The following PSTPIP1 variants were observed in gnomAD, a reference collection of about 807,000 sequenced individuals.
PSTPIP1 encodes the protein proline-serine-threonine phosphatase-interacting protein 1.
A neutral mutation model predicts 69.6 loss-of-function variants in PSTPIP1; 66 were observed. The observed-to-expected ratio is 0.95, with a 90% CI of 0.78 to 1.16. PSTPIP1 has a LOEUF of 1.16. Ranked by LOEUF, PSTPIP1 falls within the 50% of genes most tolerant of loss-of-function variation. PSTPIP1 has a pLI of 0.00. For synonymous variants in PSTPIP1, 266 were observed against 222.7 expected (o/e 1.19, Z -1.73); for missense variants, 603 against 557.4 (o/e 1.08, Z -0.82).
chr15:77,034,644 C>T (rs2076510475), intron 12 of PSTPIP1, among the ~76,000 whole-genome samples: 1 of 152,166 alleles, frequency 6.6e-6, no homozygotes, highest in Non-Finnish European at 1.5e-5. Context: ...CACCTGAGCC[C>T]TCCCTCTCCT....
chr15:77,032,862 C>T lies in PSTPIP1; in HGVS notation c.839C>T (p.Ala280Val), dbSNP rs139351566. 1.5e-5 allele frequency: 23 copies of T among 1,575,056 alleles called. No homozygotes were observed. In the African/African-American group the frequency reaches 2.8e-4, roughly 19 times the overall value. ...QAKSTGTEPP[A>V]PVPYQNYYDR... is the part of the protein sequence containing the mutation. ...GGGGCTCACGGCTTGCTGTCTGCAG[C>T]TCCGGTGCCCTACCAGAACTATTAC... Residue 280 changes from alanine to valine, a missense_variant and splice_region_variant, in exon 12 of 15, where the codon GCT becomes GTT. Coordinates refer to ENST00000558012, the MANE Select transcript of PSTPIP1 (RefSeq NM_003978.5).
At chr15:77,036,991 A>G in intron 14 of PSTPIP1, 54 bp from the exon 15 acceptor site, 2 of 1,575,096 alleles carry the variant, frequency 1.3e-6, no homozygotes, top group Non-Finnish European at 1.7e-6. Flanking sequence ...CCCTCCCTGC[A>G]GGCCCTTCCC....
At chr15:77,028,497 CG>C in intron 6 of PSTPIP1, 56 bp from the exon 7 acceptor site, 1 of 1,429,962 alleles carries the variant, frequency 7.0e-7, no homozygotes, top group South Asian at 1.3e-5. Flanking sequence ...GCCTCACTCC[CG>C]GGGACCACAG....
chr15:77,030,974 C>T (rs531107972), intron 9 of PSTPIP1, among the ~76,000 whole-genome samples: 3 of 152,212 alleles, frequency 2.0e-5, no homozygotes, highest in African/African-American at 7.2e-5. Context: ...GGGGCAGGGA[C>T]CCCCTGGGCA....
intron 1 of PSTPIP1, among the ~76,000 whole-genome samples, chr15:77,015,502 A>G (rs1381336524): frequency 1.3e-5 from 2 of 152,134 alleles, no homozygotes; most frequent in African/African-American, 4.8e-5. Flanking sequence ...CAGCATTCGG[A>G]TGACAGAGGT....
chr15:77,035,872 G>C lies in PSTPIP1; in HGVS notation c.1056G>C (p.Glu352Asp). ...EGVYTAIAVQ[E>D]IQGNPASPAQ... is the part of the protein sequence containing the mutation. ...TCTACACAGCCATCGCAGTGCAGGAGATACAGGGAAACCCGGCCTCACCAG... is the reference window on the plus strand; with the variant it reads ...TCTACACAGCCATCGCAGTGCAGGACATACAGGGAAACCCGGCCTCACCAG... The change falls in exon 14 of 15, where the codon GAG becomes GAC. Residue 352 changes from glutamate (E) to aspartate (D), a missense_variant. Physicochemically the swap from Glu to Asp is conservative, Grantham distance 45. Transcript: ENST00000558012. 1 of 1,610,790 alleles carries C rather than the reference G, an allele frequency of 6.2e-7. No homozygotes were observed. Among genetic ancestry groups the C allele is most frequent in the Non-Finnish European group, 8.5e-7 (1 of 1,179,642 alleles).
Position 77,025,495 on chromosome 15 carries a change from C to G in PSTPIP1, c.248-3C>G, listed in dbSNP as rs1456259357. 6.4e-7 allele frequency: 1 copy of G among 1,562,896 alleles called. No individual in the cohort carries two copies. Among genetic ancestry groups the G allele is most frequent in the South Asian group, 1.2e-5 (1 of 85,570 alleles). On this transcript the variant is annotated splice_region_variant and splice_polypyrimidine_tract_variant and intron_variant, in intron 4 of 14. Transcript: ENST00000558012. ...GGGACCAGTATCCATGCTCTGCCCC[C>G]AGAAATGGAGAATGTGGGCAGCTCA...
chr15:76,995,661 C>T lies in PSTPIP1; in HGVS notation c.36+52C>T, dbSNP rs371380285. 23 of 1,611,816 alleles carry T rather than the reference C, an allele frequency of 1.4e-5. No homozygotes were observed. The African/African-American group carries it at 2.8e-4, about 20-fold the overall frequency. On this transcript the variant is annotated intron_variant, in intron 1 of 14. Transcript: ENST00000558012. The stretch of plus-strand genomic sequence containing the variant: ...AACAAGTGGAGGGGGCAGAGCTAGG[C>T]TGAAATCTCCATGCAGGTGATGGGA...
At chr15:77,003,861 T>C (rs2152666844) in intron 1 of PSTPIP1, among the ~76,000 whole-genome samples, 1 of 152,228 alleles carries the variant, frequency 6.6e-6, no homozygotes, top group East Asian at 1.9e-4. Context: ...CACCTCCTGC[T>C]CACCACAGTG....
chr15:77,008,731 CTG>C (rs1262115243), intron 1 of PSTPIP1, among the ~76,000 whole-genome samples: 1 of 152,196 alleles, frequency 6.6e-6, no homozygotes, highest in African/African-American at 2.4e-5. Flanking sequence ...AGTCCTACCT[CTG>C]TGTAGGCTGA....
intron 1 of PSTPIP1, among the ~76,000 whole-genome samples, chr15:77,012,573 C>G (rs2075968019): frequency 6.6e-6 from 1 of 152,304 alleles, no homozygotes; most frequent in South Asian, 2.1e-4. Context: ...GTGTTTGGTC[C>G]TTTGCCTGCC....
At position 77,013,918 on chromosome 15, in the gene PSTPIP1, G is replaced by C. The variant is rs78540067; in HGVS notation, c.37-4230G>C. Among the ~76,000 whole-genome samples, 1,233 of 152,328 alleles carry C rather than the reference G, an allele frequency of 8.1e-3. 10 individuals are homozygous for C. Among genetic ancestry groups the C allele is most frequent in the African/African-American group, 0.028 (1,174 of 41,564 alleles). ...TTAAATGGAACCTCTGGTGGAGGAA[G>C]GTGTGTAGGGCGAGAGGGGAGGTGA... On this transcript the variant is annotated intron_variant, in intron 1 of 14. Transcript: ENST00000558012.
intron 1 of PSTPIP1, among the ~76,000 whole-genome samples, chr15:77,016,667 C>T (rs1461251073): frequency 6.6e-6 from 1 of 151,390 alleles, no homozygotes; most frequent in Non-Finnish European, 1.5e-5. Context: ...CAGGAGAGTC[C>T]ACCTGCTGAG....
At chr15:77,019,808 C>T (rs1184459085) in intron 3 of PSTPIP1, among the ~76,000 whole-genome samples, 4 of 152,180 alleles carry the variant, frequency 2.6e-5, no homozygotes, top group African/African-American at 7.2e-5. Context: ...AGTGAATGGA[C>T]GTATGCAGGG....
chr15:77,008,769 T>C (rs1596061639), intron 1 of PSTPIP1, among the ~76,000 whole-genome samples: 1 of 152,124 alleles, frequency 6.6e-6, no homozygotes, highest in South Asian at 2.1e-4. Context: ...TAGTGAGTGG[T>C]CCCAGAGAGC....
chr15:76,996,492 C>A (rs1342304714), intron 1 of PSTPIP1, among the ~76,000 whole-genome samples: 1 of 152,240 alleles, frequency 6.6e-6, no homozygotes, highest in African/African-American at 2.4e-5. Flanking sequence ...TGCCTCCAAC[C>A]CCGAAGAGGA....
intron 1 of PSTPIP1, chr15:77,007,828 T>G (rs1028764524): frequency 2.2e-6 from 1 of 446,086 alleles, no homozygotes; most frequent in African/African-American, 2.0e-5. Context: ...TCTCCTGACC[T>G]CGTGATCTGC....
Position 76,995,428 on chromosome 15 carries a change from G to A in PSTPIP1, c.-146G>A. Reference sequence around the variant, plus strand: ...AGAAGCTCCTCTCTGGCTCGTGGCTGCCTTCTGAGTGTTGCAGACGGCGCC... The same window carrying A: ...AGAAGCTCCTCTCTGGCTCGTGGCTACCTTCTGAGTGTTGCAGACGGCGCC... On this transcript the variant is annotated 5_prime_UTR_variant, in exon 1 of 15. Transcript: ENST00000558012. 6.6e-7 allele frequency: 1 copy of A among 1,509,036 alleles called. No individual in the cohort carries two copies. Among genetic ancestry groups the A allele is most frequent in the Non-Finnish European group, 8.8e-7 (1 of 1,132,540 alleles). The allele number at this position is 1,509,036 out of a possible 1,614,324, so 93.5% of individuals were successfully genotyped here. A position where few individuals can be genotyped will look rare whatever the true frequency, so the allele number is the denominator to read the frequency against.
intron 1 of PSTPIP1, chr15:77,015,841 A>C (rs900162475): frequency 6.7e-5 from 30 of 445,630 alleles, no homozygotes; most frequent in Middle Eastern, 6.7e-4. Flanking sequence ...TCCTTGTGAC[A>C]GTAGCTCACT....
Sources: gnomAD v4.1 joint callset for allele counts (sites outside exome capture counted in the v4.1 genomes callset) on GRCh38, gnomAD v4.1.1 for gene constraint, MANE v1.5 for transcripts, NCBI Gene and HGNC (gene_info 2026-07-23, HGNC 2026-07-21) for gene names.